Variants in USP54 observed in about 807,000 individuals in gnomAD.
USP54 encodes the protein ubiquitin carboxyl-terminal hydrolase 54.
USP54 carries 87 observed loss-of-function variants against 170.5 expected under a neutral mutation model. The observed-to-expected ratio is 0.51, with a 90% CI of 0.43 to 0.61. USP54 has a LOEUF of 0.61. Among genes scored for constraint, USP54 ranks in the 20% least tolerant of loss-of-function variants. USP54 has a pLI of 0.00. For missense variants in USP54, 1,786 were observed against 2,047.8 expected (o/e 0.87, Z 2.47); for synonymous variants, 655 against 742.8 (o/e 0.88, Z 1.92).
Position 73,523,671 on chromosome 10 carries a change from T to C in USP54, c.2274A>G (p.Arg758=). 1 of 1,614,034 alleles carries C rather than the reference T, an allele frequency of 6.2e-7. No homozygotes were observed. The highest frequency in any genetic ancestry group is 1.1e-5 in the South Asian group (1 of 91,066). Residue 758 remains arginine, a synonymous_variant, in exon 17 of 24, where the codon CGA becomes CGG. Transcript: ENST00000687698. ...VARRAQEQEL[R]RKREKELEAA... is the part of the protein sequence containing the mutation. ...CCTCTAACTCCTTCTCCCGTTTTCT[T>C]CGAAGTTCCTGTTCCTGCGCCCTCC...
rs180924065 is a variant in USP54 at position 73,550,183 on chromosome 10, C to A, written c.241-4511G>T. ...AGATGATCCACCTGCCTCAGCCTCC[C>A]AAAGTGCTGGGATAACAGGCGTGGG... On this transcript the variant is annotated intron_variant, in intron 4 of 23. Coordinates refer to ENST00000687698, the MANE Select transcript of USP54 (RefSeq NM_001391956.1). 1.0e-3 allele frequency among the ~76,000 whole-genome samples: 152 copies of A among 152,328 alleles called. 1 individual carries two copies. Among genetic ancestry groups the A allele is most frequent in the Non-Finnish European group, 1.3e-3 (90 of 68,014 alleles).
upstream of USP54, among the ~76,000 whole-genome samples, chr10:73,596,021 G>A (rs1485840264): frequency 1.3e-5 from 2 of 151,214 alleles, no homozygotes; most frequent in Admixed American, 6.6e-5. Flanking sequence ...TGAGGCAGGA[G>A]AATCGCTTGA....
At chr10:73,585,944 G>C (rs2077430730) in intron 1 of USP54, among the ~76,000 whole-genome samples, 1 of 152,142 alleles carries the variant, frequency 6.6e-6, no homozygotes, top group Non-Finnish European at 1.5e-5. Context: ...CCGGGAGGCA[G>C]AGGTTGCAGT....
intron 4 of USP54, among the ~76,000 whole-genome samples, chr10:73,555,790 A>T (rs1375220497): frequency 6.6e-6 from 1 of 152,194 alleles, no homozygotes. Flanking sequence ...AGGTTTTGAG[A>T]TTGTCTAAAC....
At chr10:73,624,954 T>G (rs549511321) in intron 1 of USP54, among the ~76,000 whole-genome samples, 1 of 152,228 alleles carries the variant, frequency 6.6e-6, no homozygotes, top group South Asian at 2.1e-4. Context: ...AGATTTAGTG[T>G]TCAGCCTGCT....
chr10:73,562,996 T>C (rs1003284358), intron 4 of USP54, among the ~76,000 whole-genome samples: 1 of 152,160 alleles, frequency 6.6e-6, no homozygotes, highest in African/African-American at 2.4e-5. Flanking sequence ...CTGTCACTCA[T>C]GCTGGAGTGC....
At chr10:73,559,585 G>A (rs1276632544) in intron 4 of USP54, among the ~76,000 whole-genome samples, 10 of 149,816 alleles carry the variant, frequency 6.7e-5, no homozygotes, top group Non-Finnish European at 1.2e-4. Context: ...AAAATTAGAC[G>A]GGCGTGGTGG....
At chr10:73,625,200 A>C (rs1235018388) in intron 1 of USP54, among the ~76,000 whole-genome samples, 1 of 152,022 alleles carries the variant, frequency 6.6e-6, no homozygotes, top group Non-Finnish European at 1.5e-5. Flanking sequence ...TTTTCTTCTC[A>C]AGAATCGCTC....
At chr10:73,593,337 G>A (rs535050018), upstream of USP54, among the ~76,000 whole-genome samples, 41 of 145,148 alleles carry the variant, frequency 2.8e-4, no homozygotes, top group Admixed American at 9.8e-4. Flanking sequence ...TGATTGTGTC[G>A]CTGCACTCCA....
chr10:73,604,643 T>A (rs1195405714), intron 1 of USP54, among the ~76,000 whole-genome samples: 1 of 148,602 alleles, frequency 6.7e-6, no homozygotes, highest in Admixed American at 6.9e-5. Context: ...GAGGCTGGAG[T>A]GCAGTGGTGC....
At chr10:73,569,204 T>C (rs2074490463) in intron 4 of USP54, among the ~76,000 whole-genome samples, 1 of 152,210 alleles carries the variant, frequency 6.6e-6, no homozygotes, top group Non-Finnish European at 1.5e-5. Flanking sequence ...CCTTTCTGAA[T>C]GACTTTTTTT....
At chr10:73,569,893 T>C in intron 4 of USP54, among the ~76,000 whole-genome samples, 1 of 73,958 alleles carries the variant, frequency 1.4e-5, no homozygotes, top group Non-Finnish European at 2.5e-5. Context: ...CAGAGCAAGA[T>C]TTCATCTCCA....
At position 73,539,426 on chromosome 10, in the gene USP54, G is replaced by T. The variant is rs2066079700; in HGVS notation, c.975+18C>A. The T allele has an allele frequency of 6.4e-7, 1 of 1,574,164 alleles. No homozygotes were observed. Among genetic ancestry groups the T allele is most frequent in the African/African-American group, 1.4e-5 (1 of 73,460 alleles). ...TTGTAGTCACCAAACACTTCAAAAA[G>T]GACTTGACTACTCCTACCTCCTTGA... On this transcript the variant is annotated intron_variant, in intron 10 of 23. Coordinates refer to ENST00000687698, the MANE Select transcript of USP54 (RefSeq NM_001391956.1).
chr10:73,507,796 T>G (rs112540608), intron 20 of USP54, among the ~76,000 whole-genome samples: 11,710 of 149,770 alleles, frequency 0.078, 534 homozygotes, highest in Middle Eastern at 0.19. Flanking sequence ...AAGACCAGCC[T>G]AGGCAACATA....
chr10:73,615,644 G>C (rs2080560967), intron 1 of USP54, among the ~76,000 whole-genome samples: 1 of 150,202 alleles, frequency 6.7e-6, no homozygotes, highest in Non-Finnish European at 1.5e-5. Context: ...AATAAAGCTG[G>C]GCATAGTGGC....
intron 1 of USP54, among the ~76,000 whole-genome samples, chr10:73,598,922 C>G (rs888682495): frequency 6.7e-6 from 1 of 149,232 alleles, no homozygotes; most frequent in East Asian, 2.0e-4. Context: ...CTGTCTCAAA[C>G]AAACAAATTA....
intron 10 of USP54, among the ~76,000 whole-genome samples, chr10:73,537,346 G>T (rs909752143): frequency 6.6e-6 from 1 of 151,938 alleles, no homozygotes; most frequent in African/African-American, 2.4e-5. Flanking sequence ...AAAGAATAAG[G>T]GAATTTGACA....
chr10:73,615,905 C>CAAA (rs1170081483), intron 1 of USP54, among the ~76,000 whole-genome samples: 29 of 40,178 alleles, frequency 7.2e-4, no homozygotes, highest in Middle Eastern at 0.014. Context: ...AGATCAGTCT[C>CAAA]AAAAAAAAAA....
intron 1 of USP54, among the ~76,000 whole-genome samples, chr10:73,600,489 G>A (rs1415447560): frequency 6.6e-6 from 1 of 152,056 alleles, no homozygotes; most frequent in Non-Finnish European, 1.5e-5. Context: ...GGTACATCAG[G>A]TCAATATTAT....
Sources: allele counts gnomAD v4.1 joint callset (sites outside exome capture counted in the v4.1 genomes callset), GRCh38; gene constraint gnomAD v4.1.1; transcripts MANE v1.5; gene names NCBI Gene and HGNC (gene_info 2026-07-23, HGNC 2026-07-21).